PARN: variants seen among roughly 807,000 people sequenced by gnomAD.
PARN encodes the protein poly(A)-specific ribonuclease.
In PARN, 71 loss-of-function variants were observed where a neutral mutation model predicts 102.8. The observed-to-expected ratio is 0.69, with a 90% CI of 0.57 to 0.84. PARN has a LOEUF of 0.84. Ranked by LOEUF, PARN falls within the 40% of genes least tolerant of loss-of-function variation. The pLI is 0.00. For missense variants in PARN, 782 were observed against 760.9 expected, an observed-to-expected ratio of 1.03 and a Z score of -0.33; for synonymous variants, 261 against 252.9, an observed-to-expected ratio of 1.03 and a Z score of -0.30.
At chr16:14,451,871 A>C (rs1961468280) in intron 22 of PARN, among the ~76,000 whole-genome samples, 23 of 33,194 alleles carry the variant, frequency 6.9e-4, no homozygotes, top group African/African-American at 1.6e-3. Context: ...AAAAAATACA[A>C]AAAAAAAAAA....
chr16:14,581,582 CT>C (rs977353471), intron 17 of PARN, among the ~76,000 whole-genome samples: 1 of 151,990 alleles, frequency 6.6e-6, no homozygotes, highest in Non-Finnish European at 1.5e-5. Flanking sequence ...GAAGTGAGAC[CT>C]TTGGGAGGTA....
intron 18 of PARN, among the ~76,000 whole-genome samples, chr16:14,561,392 G>T (rs562902498): frequency 1.3e-5 from 2 of 152,292 alleles, no homozygotes; most frequent in Non-Finnish European, 2.9e-5. Flanking sequence ...TCTGGACTGA[G>T]AATCACCGAG....
intron 20 of PARN, among the ~76,000 whole-genome samples, chr16:14,553,032 T>C (rs542121195): frequency 6.6e-6 from 1 of 152,026 alleles, no homozygotes; most frequent in South Asian, 2.1e-4. Context: ...ATTTTAAATA[T>C]TTACATGCAG....
chr16:14,502,408 A>G (rs2096778789), intron 21 of PARN, among the ~76,000 whole-genome samples: 1 of 152,214 alleles, frequency 6.6e-6, no homozygotes, highest in African/African-American at 2.4e-5. Context: ...GCACCATGTT[A>G]TTAAACACAC....
intron 22 of PARN, among the ~76,000 whole-genome samples, chr16:14,467,268 TG>T (rs1255863255): frequency 3.3e-5 from 5 of 152,032 alleles, no homozygotes; most frequent in Non-Finnish European, 7.4e-5. Flanking sequence ...GGAGAAGAAA[TG>T]GGGGGCCCAC....
At chr16:14,532,695 CG>C (rs537869354) in intron 21 of PARN, among the ~76,000 whole-genome samples, 1 of 151,654 alleles carries the variant, frequency 6.6e-6, no homozygotes, top group Middle Eastern at 3.4e-3. Context: ...ACCTCCCAGA[CG>C]GGGGGGCGAC....
At chr16:14,442,476 C>T (rs760063255) in intron 23 of PARN, among the ~76,000 whole-genome samples, 5 of 152,278 alleles carry the variant, frequency 3.3e-5, no homozygotes, top group South Asian at 2.1e-4. Context: ...GCTGTACATT[C>T]ACCTCCTGAA....
chr16:14,609,773 G>A (rs1003985031), intron 7 of PARN, among the ~76,000 whole-genome samples: 17 of 152,080 alleles, frequency 1.1e-4, no homozygotes, highest in East Asian at 9.6e-4. Context: ...TCTGCTTGTC[G>A]GCACCTTTAC....
chr16:14,616,208 C>CA (rs1467467374), intron 6 of PARN, among the ~76,000 whole-genome samples: 1 of 152,056 alleles, frequency 6.6e-6, no homozygotes, highest in East Asian at 1.9e-4. Context: ...GAAGGAAAAC[C>CA]AATCTGAAAT....
Position 14,483,692 on chromosome 16 carries a change from C to A in PARN, c.1481-865G>T, listed in dbSNP as rs182093825. 2.0e-5 allele frequency among the ~76,000 whole-genome samples: 3 copies of A among 152,150 alleles called. No individual in the cohort carries two copies. In the East Asian group the frequency reaches 5.8e-4, roughly 29 times the overall value. On this transcript the variant is annotated intron_variant, in intron 21 of 23. Transcript: ENST00000437198. Reference sequence around the variant, plus strand: ...TAGACAGACTCCCACCCCTCCTTCACTGGACGAAGGCGCCTCAGATGTGTA... The same window carrying A: ...TAGACAGACTCCCACCCCTCCTTCAATGGACGAAGGCGCCTCAGATGTGTA...
chr16:14,492,205 C>T (rs1394035979), intron 21 of PARN, among the ~76,000 whole-genome samples: 1 of 152,186 alleles, frequency 6.6e-6, no homozygotes, highest in African/African-American at 2.4e-5. Context: ...AGATCTGAGC[C>T]CCGTAAAGGG....
intron 9 of PARN, among the ~76,000 whole-genome samples, chr16:14,606,900 G>A (rs1404744023): frequency 6.6e-6 from 1 of 151,648 alleles, no homozygotes; most frequent in African/African-American, 2.4e-5. Context: ...TCCTGCCTCA[G>A]CTTCCCAAGT....
At chr16:14,497,485 A>G (rs1964376369) in intron 21 of PARN, among the ~76,000 whole-genome samples, 1 of 152,326 alleles carries the variant, frequency 6.6e-6, no homozygotes, top group South Asian at 2.1e-4. Context: ...TAATAGGCAC[A>G]CACACCACCT....
chr16:14,477,163 G>C (rs1274730921), intron 22 of PARN, among the ~76,000 whole-genome samples: 1 of 152,200 alleles, frequency 6.6e-6, no homozygotes, highest in African/African-American at 2.4e-5. Context: ...AAATAGGCAA[G>C]GTGTGGTGGC....
chr16:14,530,419 T>C (rs1269551043), intron 21 of PARN, among the ~76,000 whole-genome samples: 1 of 152,138 alleles, frequency 6.6e-6, no homozygotes, highest in Non-Finnish European at 1.5e-5. Context: ...TTAATCTGTG[T>C]TTCTCCTGAA....
chr16:14,458,347 C>G (rs1961785432), intron 22 of PARN, among the ~76,000 whole-genome samples: 1 of 152,124 alleles, frequency 6.6e-6, no homozygotes, highest in Admixed American at 6.5e-5. Flanking sequence ...GTAACATAAT[C>G]AAGGCTATAA....
chr16:14,458,248 A>C (rs1961779517), intron 22 of PARN, among the ~76,000 whole-genome samples: 1 of 152,218 alleles, frequency 6.6e-6, no homozygotes, highest in Non-Finnish European at 1.5e-5. Context: ...AATTTAGAAC[A>C]TCTGAAATTT....
chr16:14,602,269 C>G (rs1026149318), intron 11 of PARN, among the ~76,000 whole-genome samples: 1 of 152,084 alleles, frequency 6.6e-6, no homozygotes, highest in Non-Finnish European at 1.5e-5. Flanking sequence ...ACAATAATCT[C>G]CCGGTACATT....
intron 21 of PARN, among the ~76,000 whole-genome samples, chr16:14,529,078 A>G (rs375152406): frequency 1.3e-5 from 2 of 152,096 alleles, no homozygotes; most frequent in African/African-American, 4.8e-5. Flanking sequence ...GACTCCTATA[A>G]AAGTGTCACT....
Sources: allele counts gnomAD v4.1 joint callset (sites outside exome capture counted in the v4.1 genomes callset), GRCh38; gene constraint gnomAD v4.1.1; transcripts MANE v1.5; gene names NCBI Gene and HGNC (gene_info 2026-07-23, HGNC 2026-07-21).